ABCC6: variants seen among roughly 807,000 people sequenced by gnomAD.
The protein encoded by ABCC6 is ATP-binding cassette sub-family C member 6.
A neutral mutation model predicts 169.5 loss-of-function variants in ABCC6; 126 were observed. The ratio of observed to expected loss-of-function variants is 0.74; its 90% CI spans 0.64 to 0.86. The LOEUF is 0.86. Among genes scored for constraint, ABCC6 ranks in the 40% least tolerant of loss-of-function variants. ABCC6 has a pLI of 0.00. For synonymous variants in ABCC6, 752 were observed against 814.7 expected, an observed-to-expected ratio of 0.92 and a Z score of 1.31; for missense variants, 1,733 against 1,927.2, an observed-to-expected ratio of 0.90 and a Z score of 1.89.
chr16:16,181,725 G>A (rs558532073), intron 17 of ABCC6: 1 of 153,838 alleles, frequency 6.5e-6, no homozygotes, highest in Non-Finnish European at 1.4e-5. Context: ...CTGAGGTCCG[G>A]AGTTTGAGAC....
At chr16:16,157,551 G>T in intron 27 of ABCC6, 112 bp downstream of exon 27, 1 of 1,385,868 alleles carries the variant, frequency 7.2e-7, no homozygotes, top group Non-Finnish European at 1.0e-6. Context: ...AAAGCTAGGG[G>T]ACCTGAGGTG....
chr16:16,194,786 G>A (rs2047979619), intron 10 of ABCC6, among the ~76,000 whole-genome samples: 1 of 152,096 alleles, frequency 6.6e-6, no homozygotes, highest in Non-Finnish European at 1.5e-5. Context: ...TGCTTCCCAA[G>A]CGATTCTCCT....
chr16:16,179,095 G>A, intron 17 of ABCC6, 130 bp from the exon 18 acceptor site: 1 of 1,061,316 alleles, frequency 9.4e-7, no homozygotes, highest in Non-Finnish European at 1.4e-6. Flanking sequence ...TATTCCCTGG[G>A]GACAGGCCCA....
chr16:16,188,017 AG>A, intron 13 of ABCC6, among the ~76,000 whole-genome samples: 1 of 152,032 alleles, frequency 6.6e-6, no homozygotes, highest in East Asian at 1.9e-4. Flanking sequence ...TTATTACATG[AG>A]GTCGGGGGTT....
At position 16,150,699 on chromosome 16, in the gene ABCC6, C is replaced by T; in HGVS notation, c.4282G>A (p.Ala1428Thr). Residue 1428 changes from alanine to threonine, a missense_variant, in exon 30 of 31, where the codon GCT (alanine) becomes ACT (threonine). Ala to Thr is a moderately conservative substitution (Grantham distance 58, BLOSUM62 0). Around this residue, in one of 5 missense-constraint regions of ABCC6, gnomAD observed 1,601 missense variants for 1,635.5 expected, o/e 0.98. Transcript: ENST00000205557. ...RKTQILILDE[A>T]TAAVDPGTEL... ...GTGCCAGGGTCCACGGCAGCAGTAG[C>T]CTCGTCCAGGATGAGGATCTGGGTC... is the stretch of plus-strand genomic sequence containing the variant. 3 of 1,613,862 alleles carry T rather than the reference C, an allele frequency of 1.9e-6. No homozygotes were observed. Among genetic ancestry groups the T allele is most frequent in the Non-Finnish European group, 8.5e-7 (1 of 1,179,978 alleles).
chr16:16,188,986 G>A lies in ABCC6; in HGVS notation c.1636-12C>T. The A allele has an allele frequency of 1.9e-6, 3 of 1,613,640 alleles. No homozygotes were observed. Among genetic ancestry groups the A allele is most frequent in the Non-Finnish European group, 1.7e-6 (2 of 1,180,008 alleles). ...ACCACCAGTGCGACCTGGGGGGTGG[G>A]GGGGACACGTGGGGCAACAGTGAGA... On this transcript the variant is annotated splice_polypyrimidine_tract_variant and intron_variant, in intron 12 of 30. Coordinates refer to ENST00000205557, the MANE Select transcript of ABCC6 (RefSeq NM_001171.6).
chr16:16,157,834 C>T, intron 26 of ABCC6, 25 bp from the exon 27 acceptor site: 1 of 1,603,174 alleles, frequency 6.2e-7, no homozygotes, highest in Non-Finnish European at 8.5e-7. Flanking sequence ...GAAACTGAGT[C>T]AGAGGAGCCT....
intron 21 of ABCC6, chr16:16,173,076 G>A: frequency 1.5e-6 from 1 of 656,350 alleles, no homozygotes; most frequent in Non-Finnish European, 2.6e-6. Context: ...AAAGAATTCA[G>A]TTTCTTTATG....
At chr16:16,172,291 AATGAGTGAGTGGGATGGATAAATGGGT>A (rs2047129336) in intron 21 of ABCC6, among the ~76,000 whole-genome samples, 1 of 61,910 alleles carries the variant, frequency 1.6e-5, no homozygotes, top group African/African-American at 6.4e-5. Context: ...GGGATGCATA[AATGAGTGAGTGGGATGGATAAATGGGT>A]ATGAGTGGGT....
rs796869682 is a variant in ABCC6 at position 16,181,364 on chromosome 16, AAAAAG to A, written c.2247+1043_2247+1047del. Among the ~76,000 whole-genome samples, 95 of 32,752 alleles carry A rather than the reference AAAAAG, an allele frequency of 2.9e-3. 1 individual carries two copies. The highest frequency in any genetic ancestry group is 5.2e-3 in the Admixed American group (14 of 2,704). The allele number at this position is 32,752 out of a possible 152,430, so 21.5% of individuals were successfully genotyped here. A position where few individuals can be genotyped will look rare whatever the true frequency, so the allele number is the denominator to read the frequency against. ...TCTCAGAAAAAAAAAAAAAAAAAAA[AAAAAG>A]AGAAAAAGCAGGTGCAGGTGTAGGG... On this transcript the variant is annotated intron_variant, in intron 17 of 30. Transcript: ENST00000205557.
rs765456179 is a variant in ABCC6 at position 16,173,333 on chromosome 16, G to C, written c.2738C>G (p.Pro913Arg). 6.2e-7 allele frequency: 1 copy of C among 1,614,050 alleles called. No homozygotes were observed. The highest frequency in any genetic ancestry group is 8.5e-7 in the Non-Finnish European group (1 of 1,179,994). Residue 913 changes from proline to arginine, a missense_variant, in exon 21 of 31, where the codon CCT becomes CGT. Transcript: ENST00000205557. ...TCCTGCTGGCCATCCTGCCCTGTCA[G>C]GGTCATCCAGAGGAACCTCTGTCTG... is the stretch of plus-strand genomic sequence containing the variant. ...EAQTEVPLDDPDRAGWPAGKD... is the reference protein window; with the variant it reads ...EAQTEVPLDDRDRAGWPAGKD...
At position 16,182,896 on chromosome 16, in the gene ABCC6, C is replaced by T; in HGVS notation, c.1978G>A (p.Ala660Thr). The change falls in exon 16 of 31, where the codon GCT (alanine) becomes ACT (threonine). Residue 660 changes from alanine (A) to threonine (T), a missense_variant. Around this residue, in one of 5 missense-constraint regions of ABCC6, gnomAD observed 1,601 missense variants for 1,635.5 expected, o/e 0.98. Coordinates refer to ENST00000205557, the MANE Select transcript of ABCC6 (RefSeq NM_001171.6). The part of the protein sequence containing the change: ...NLTVPQGCLL[A>T]VVGPVGAGKS... Reference sequence around the variant, plus strand: ...CCTGCCCCCACTGGACCGACAACAGCCAGCAGACAGCCCTGGGGCACCGTG... The same window carrying T: ...CCTGCCCCCACTGGACCGACAACAGTCAGCAGACAGCCCTGGGGCACCGTG... 1 of 1,613,998 alleles carries T rather than the reference C, an allele frequency of 6.2e-7. No homozygotes were observed. The highest frequency in any genetic ancestry group is 8.5e-7 in the Non-Finnish European group (1 of 1,179,984).
Position 16,155,039 on chromosome 16 carries a change from GGGTTGGGA to G in ABCC6, c.3883-16_3883-9del. 6.4e-7 allele frequency: 1 copy of G among 1,550,820 alleles called. No individual in the cohort carries two copies. Among genetic ancestry groups the G allele is most frequent in the Non-Finnish European group, 8.7e-7 (1 of 1,148,360 alleles). ...CCTGCCAACGATGCCCACCTGCCCG[GGGTTGGGA>G]GGAAAGGCCTGCTCTGACCAGAGGG... On this transcript the variant is annotated splice_polypyrimidine_tract_variant and intron_variant, in intron 27 of 30. Transcript: ENST00000205557.
At chr16:16,186,106 C>T (rs536556317) in intron 14 of ABCC6, among the ~76,000 whole-genome samples, 2 of 152,218 alleles carry the variant, frequency 1.3e-5, no homozygotes, top group South Asian at 4.2e-4. Flanking sequence ...GGCTTCTTAC[C>T]ACTATGTGGG....
intron 21 of ABCC6, among the ~76,000 whole-genome samples, chr16:16,171,059 C>T (rs1467311391): frequency 4.6e-5 from 7 of 152,006 alleles, no homozygotes; most frequent in African/African-American, 1.2e-4. Context: ...CTTCCCACCT[C>T]GGAGCCATTG....
At chr16:16,208,380 T>A (rs900244039) in intron 7 of ABCC6, among the ~76,000 whole-genome samples, 1 of 135,236 alleles carries the variant, frequency 7.4e-6, no homozygotes, top group Non-Finnish European at 1.6e-5. Context: ...TGTTTGTTTG[T>A]TTTTTTTTTT....
At chr16:16,179,133 A>G (rs1273812578) in intron 17 of ABCC6, among the ~76,000 whole-genome samples, 168 bp from the exon 18 acceptor site, 9 of 152,166 alleles carry the variant, frequency 5.9e-5, no homozygotes, top group Admixed American at 5.9e-4. Context: ...TCTCAAGCCA[A>G]CAATGCCTCC....
chr16:16,196,314 T>C (rs1054249148), intron 10 of ABCC6, among the ~76,000 whole-genome samples: 1 of 152,168 alleles, frequency 6.6e-6, no homozygotes, highest in African/African-American at 2.4e-5. Flanking sequence ...AGGAATACCA[T>C]GCCTGTTTGC....
chr16:16,207,232 C>G (rs1038883441), intron 7 of ABCC6, among the ~76,000 whole-genome samples: 12 of 152,222 alleles, frequency 7.9e-5, no homozygotes, highest in Admixed American at 6.5e-4. Context: ...CTACCCACTT[C>G]TGTGGCTCTG....
Sources: gnomAD v4.1 joint callset for allele counts (sites outside exome capture counted in the v4.1 genomes callset) on GRCh38, gnomAD v4.1.1 for gene constraint, gnomAD v4.1.1 regional missense constraint, MANE v1.5 for transcripts, NCBI Gene and HGNC (gene_info 2026-07-23, HGNC 2026-07-21) for gene names.